TBC1D8B: variants seen among roughly 807,000 people sequenced by gnomAD.
TBC1D8B encodes RP11-321G1.1.
Under a neutral mutation model 82.9 loss-of-function variants are expected in TBC1D8B, and 75 were observed. The ratio of observed to expected loss-of-function variants is 0.90; its 90% CI spans 0.75 to 1.10. TBC1D8B has a LOEUF of 1.10. TBC1D8B is among the 50% of genes least tolerant of loss of function. The pLI, the probability that TBC1D8B is intolerant of heterozygous loss-of-function variation, is 0.00. For synonymous variants in TBC1D8B, 276 were observed against 276.8 expected (o/e 1.00, Z 0.03); for missense variants, 794 against 796.9 (o/e 1.00, Z 0.04).
At chrX:106,849,669 T>C (rs887722966) in intron 11 of TBC1D8B, 4 of 874,662 alleles carry the variant, frequency 4.6e-6, no homozygotes, top group Non-Finnish European at 5.6e-6. Context: ...TTGTTTGGCA[T>C]TGTCAAGAGT....
At chrX:106,822,664 T>G (rs939024614) in intron 4 of TBC1D8B, among the ~76,000 whole-genome samples, 39 of 111,160 alleles carry the variant, frequency 3.5e-4, no homozygotes, top group African/African-American at 1.2e-3. Context: ...TATAAAGAGA[T>G]AGATTTAAAT....
chrX:106,842,943 T>TA (rs928754494), intron 10 of TBC1D8B, among the ~76,000 whole-genome samples: 5 of 111,868 alleles, frequency 4.5e-5, no homozygotes, highest in Non-Finnish European at 7.5e-5. Context: ...AATTGAGTGA[T>TA]ACAATATGTG....
intron 7 of TBC1D8B, chrX:106,829,730 T>A (rs1364435778): frequency 9.0e-6 from 1 of 110,635 alleles, no homozygotes; most frequent in Non-Finnish European, 1.9e-5. Context: ...CTGGGAAAAC[T>A]GGCTAGCCAT....
At chrX:106,839,562 G>T in intron 8 of TBC1D8B, 105 bp downstream of exon 8, 1 of 845,910 alleles carries the variant, frequency 1.2e-6, no homozygotes, top group Non-Finnish European at 1.6e-6. Context: ...CTTCTTTTGG[G>T]ACTTGAAAAG....
chrX:106,866,553 T>TG (rs1316589718), intron 16 of TBC1D8B, among the ~76,000 whole-genome samples: 1 of 111,991 alleles, frequency 8.9e-6, no homozygotes, highest in Non-Finnish European at 1.9e-5. Flanking sequence ...AATCTGAGAT[T>TG]GGGGGGAAGG....
In TBC1D8B at chrX:106,817,147, A is replaced by G. The variant is rs764352540; in HGVS notation, c.131-1516A>G. Among the ~76,000 whole-genome samples the G allele has an allele frequency of 3.9e-4, 44 of 111,793 alleles. 1 individual carries two copies. The highest frequency in any genetic ancestry group is 1.4e-3 in the African/African-American group (43 of 30,878). On this transcript the variant is annotated intron_variant, in intron 1 of 20. Coordinates refer to ENST00000357242, the MANE Select transcript of TBC1D8B (RefSeq NM_017752.3). ...TTCCAGAAAAGGAAGGTAAATTTAT[A>G]TATTTCAGCCATCCCATTGATATGG... is the stretch of plus-strand genomic sequence containing the variant.
At position 106,816,694 on chromosome X, in the gene TBC1D8B, A is replaced by G. The variant is rs369826878; in HGVS notation, c.131-1969A>G. Among the ~76,000 whole-genome samples the G allele has an allele frequency of 1.5e-3, 170 of 111,280 alleles. 1 individual carries two copies. The highest frequency in any genetic ancestry group is 5.1e-3 in the African/African-American group (158 of 30,715). ...ATCTGCACATACTGCCATTGCCAAA[A>G]TCTTCTTTCTTGAACTTTGCCCTAT... On this transcript the variant is annotated intron_variant, in intron 1 of 20. Coordinates refer to ENST00000357242, the MANE Select transcript of TBC1D8B (RefSeq NM_017752.3).
intron 10 of TBC1D8B, among the ~76,000 whole-genome samples, chrX:106,845,333 T>C: frequency 9.1e-6 from 1 of 109,987 alleles, no homozygotes; most frequent in African/African-American, 3.3e-5. Flanking sequence ...AGTTTTAGGG[T>C]ACGTGTGCAC....
intron 14 of TBC1D8B, among the ~76,000 whole-genome samples, chrX:106,858,133 T>C (rs1932733600): frequency 8.9e-6 from 1 of 112,345 alleles, no homozygotes; most frequent in African/African-American, 3.2e-5. Flanking sequence ...CGGTATCTCA[T>C]TGTGATTTTG....
At chrX:106,818,974 T>G (rs1243587256) in intron 2 of TBC1D8B, among the ~76,000 whole-genome samples, 1 of 107,252 alleles carries the variant, frequency 9.3e-6, no homozygotes, top group African/African-American at 3.4e-5. Flanking sequence ...TCCATTGGTG[T>G]GAGGGACCTG....
chrX:106,821,079 CATTGTTTCACTGGCACCTTTCAGG>C, intron 3 of TBC1D8B, 84 bp downstream of exon 3: 1 of 491,652 alleles, frequency 2.0e-6, no homozygotes, highest in Non-Finnish European at 3.4e-6. Flanking sequence ...CATGGAAGGT[CATTGTTTCACTGGCACCTTTCAGG>C]ATTGGTAGAA....
chrX:106,859,947 C>T (rs988835250), intron 14 of TBC1D8B, among the ~76,000 whole-genome samples: 1 of 111,789 alleles, frequency 8.9e-6, no homozygotes, highest in Non-Finnish European at 1.9e-5. Context: ...TCTATTGAGA[C>T]GATCGTGTGG....
At position 106,849,551 on chromosome X, in the gene TBC1D8B, T is replaced by C. The variant is rs1569454299; in HGVS notation, c.1838-474T>C. On this transcript the variant is annotated intron_variant, in intron 11 of 20. Transcript: ENST00000357242. The stretch of plus-strand genomic sequence containing the variant: ...TCATCAGAGGGATCAGTGCTTTCTC[T>C]GTGTATTGCTGGAGTCTGAAAGTGT... The C allele has an allele frequency of 6.4e-6, 6 of 943,253 alleles. No individual in the cohort carries two copies. The South Asian group carries it at 1.7e-4, about 26-fold the overall frequency. The allele number at this position is 943,253 out of a possible 1,213,427, so 77.7% of individuals were successfully genotyped here. A position where few individuals can be genotyped will look rare whatever the true frequency, so the allele number is the denominator to read the frequency against.
In TBC1D8B at chrX:106,848,220, A is replaced by G; in HGVS notation, c.1754A>G (p.Tyr585Cys). Residue 585 changes from tyrosine to cysteine, a missense_variant, in exon 11 of 21, where the codon TAT (tyrosine) becomes TGT (cysteine). Physicochemically the swap from Tyr to Cys is radical, Grantham distance 194 (BLOSUM62 -2). Coordinates refer to ENST00000357242, the MANE Select transcript of TBC1D8B (RefSeq NM_017752.3). ...MNILTSVLLL[Y>C]AKEEEAFWLL... is the part of the protein sequence containing the mutation. ...ATTTTGACTTCAGTGCTGCTTCTAT[A>G]TGCAAAAGAGGAAGAAGCTTTTTGG... is the stretch of plus-strand genomic sequence containing the variant. 8.4e-7 allele frequency: 1 copy of G among 1,195,470 alleles called. No homozygotes were observed. The highest frequency in any genetic ancestry group is 2.2e-5 in the Admixed American group (1 of 45,588).
At chrX:106,869,300 C>G (rs1932832847) in intron 18 of TBC1D8B, among the ~76,000 whole-genome samples, 185 bp from the exon 19 acceptor site, 1 of 111,355 alleles carries the variant, frequency 9.0e-6, no homozygotes, top group Non-Finnish European at 1.9e-5. Context: ...GGATTTTCCC[C>G]CAATGTTCTT....
chrX:106,857,037 T>C lies in TBC1D8B; in HGVS notation c.2352+2741T>C, dbSNP rs767184528. On this transcript the variant is annotated intron_variant, in intron 14 of 20. Transcript: ENST00000357242. ...ATAGACAAGCATGTCATTTCCAGTC[T>C]TAGAATTTTGACCCTTCCTAACATT... is the stretch of plus-strand genomic sequence containing the variant. Among the ~76,000 whole-genome samples, 107 of 111,953 alleles carry C rather than the reference T, an allele frequency of 9.6e-4. 2 individuals carry two copies. Among genetic ancestry groups the C allele is most frequent in the African/African-American group, 3.3e-3 (103 of 30,865 alleles).
chrX:106,818,553 A>T, intron 1 of TBC1D8B, 110 bp from the exon 2 acceptor site: 1 of 489,548 alleles, frequency 2.0e-6, no homozygotes, highest in Non-Finnish European at 3.2e-6. Context: ...TAAGGACTCT[A>T]TGGGCTAGAA....
chrX:106,815,444 C>T (rs1476867948), intron 1 of TBC1D8B: 1 of 111,546 alleles, frequency 9.0e-6, no homozygotes, highest in African/African-American at 3.3e-5. Flanking sequence ...GTTTTGGTTA[C>T]TGTAGCCGTG....
chrX:106,862,380 A>C (rs966999700), intron 14 of TBC1D8B, among the ~76,000 whole-genome samples: 6 of 111,780 alleles, frequency 5.4e-5, no homozygotes, highest in African/African-American at 2.0e-4. Flanking sequence ...AGCTTGGTCT[A>C]TTCTGTTGTT....
Sources: gnomAD v4.1 joint callset for allele counts (sites outside exome capture counted in the v4.1 genomes callset) on GRCh38, gnomAD v4.1.1 for gene constraint, MANE v1.5 for transcripts, NCBI Gene and HGNC (gene_info 2026-07-23, HGNC 2026-07-21) for gene names.